The following ZMYND8 variants were observed in gnomAD, a reference collection of about 807,000 sequenced individuals.
The protein encoded by ZMYND8 is MYND-type zinc finger-containing chromatin reader ZMYND8.
Under a neutral mutation model 140.8 loss-of-function variants are expected in ZMYND8, and 37 were observed. That is an observed-to-expected ratio of 0.26 (90% CI 0.20 to 0.35). The LOEUF (loss-of-function observed/expected upper bound fraction) is 0.35, where lower values mean the gene tolerates loss of function less well. Among genes scored for constraint, ZMYND8 ranks in the 10% least tolerant of loss-of-function variants. The probability of loss-of-function intolerance (pLI) is 1.00; values close to 1 mark genes in which losing one functional copy is unlikely to be tolerated. For synonymous variants in ZMYND8, 592 were observed against 597.1 expected (o/e 0.99, Z 0.12); for missense variants, 1,068 against 1,570.0 (o/e 0.68, Z 5.40).
chr20:47,239,029 G>A lies in ZMYND8; in HGVS notation c.2394C>T (p.Thr798=). ...CGGTGACCGTGGAGGACGTGCTGGTGGTGGCTGTGGCGCCAGCCGCGGAAG... is the reference window on the plus strand; with the variant it reads ...CGGTGACCGTGGAGGACGTGCTGGTAGTGGCTGTGGCGCCAGCCGCGGAAG... ...AQTSAAGATA[T]TSTSSTVTVT... Residue 798 remains threonine (T), a synonymous_variant, in exon 15 of 23, where the codon ACC becomes ACT. Transcript: ENST00000471951. The A allele has an allele frequency of 6.3e-7, 1 of 1,591,252 alleles. No individual in the cohort carries two copies. The highest frequency in any genetic ancestry group is 1.3e-5 in the African/African-American group (1 of 74,428).
intron 7 of ZMYND8, among the ~76,000 whole-genome samples, chr20:47,287,559 T>C (rs558887188): frequency 1.3e-5 from 2 of 152,322 alleles, no homozygotes; most frequent in East Asian, 1.9e-4. Context: ...ATTCTTAAAA[T>C]GCTTTGACAT....
At chr20:47,275,494 CA>C (rs762708679) in intron 11 of ZMYND8, among the ~76,000 whole-genome samples, 8,479 of 112,470 alleles carry the variant, frequency 0.075, 616 homozygotes, top group African/African-American at 0.23. Flanking sequence ...ACTATGTCTC[CA>C]AAAAAAAAAA....
At chr20:47,217,868 G>A (rs942801159) in intron 21 of ZMYND8, among the ~76,000 whole-genome samples, 14 of 149,122 alleles carry the variant, frequency 9.4e-5, no homozygotes, top group Admixed American at 8.7e-4. Context: ...TCCTCCCCCT[G>A]CTCGCCCCCC....
At position 47,210,793 on chromosome 20, in the gene ZMYND8, T is replaced by A; in HGVS notation, c.3673A>T (p.Lys1225Ter). ...TSTSTKSLLP[K>*]ESRLDTFWD is the part of the protein sequence containing the mutation. ...CAGAAGGTGTCCAGCCGAGACTCTT[T>A]CGGGAGGAGGCTCTTCGTGCTGGTA... The change falls in exon 23 of 23, where the codon AAA (lysine) becomes TAA (stop). Residue 1225 changes from lysine (K) to a stop codon, truncating the protein, a stop_gained. Coordinates refer to ENST00000471951, the MANE Select transcript of ZMYND8 (RefSeq NM_001281775.3). LOFTEE classifies it high-confidence loss of function. 6.2e-7 allele frequency: 1 copy of A among 1,614,166 alleles called. No individual in the cohort carries two copies.
chr20:47,264,599 T>C (rs538508708), intron 11 of ZMYND8, among the ~76,000 whole-genome samples: 1 of 152,032 alleles, frequency 6.6e-6, no homozygotes, highest in South Asian at 2.1e-4. Context: ...TTTAACACAA[T>C]AAATCTGTTT....
At chr20:47,255,851 A>G (rs953630148) in intron 12 of ZMYND8, among the ~76,000 whole-genome samples, 7 of 146,490 alleles carry the variant, frequency 4.8e-5, no homozygotes, top group Non-Finnish European at 9.0e-5. Flanking sequence ...CACACACACC[A>G]TATACTGAGG....
At chr20:47,276,851 G>C (rs1302696961) in intron 10 of ZMYND8, 56 bp from the exon 11 acceptor site, 1 of 1,454,074 alleles carries the variant, frequency 6.9e-7, no homozygotes, top group Non-Finnish European at 9.0e-7. Context: ...TTCCAAGATT[G>C]CTTTTTTCTT....
At chr20:47,312,117 G>A (rs1457371501) in intron 2 of ZMYND8, among the ~76,000 whole-genome samples, 1 of 152,178 alleles carries the variant, frequency 6.6e-6, no homozygotes, top group Non-Finnish European at 1.5e-5. Context: ...CTGCGAAGAT[G>A]TCAATTACCA....
At chr20:47,262,251 T>C (rs1254170492) in intron 12 of ZMYND8, 37 bp downstream of exon 12, 1 of 1,613,612 alleles carries the variant, frequency 6.2e-7, no homozygotes, top group Admixed American at 1.7e-5. Context: ...ATATCCACAG[T>C]TGCCACAGAA....
rs150593671 is a variant in ZMYND8, at chr20:47,262,103, GC to G, written c.1621+184del. ...AAAAAAGTAATTTGTATGTCAATAA[GC>G]CCCAAGAAATCCCTTACTTATTCTT... On this transcript the variant is annotated intron_variant, in intron 12 of 22. Transcript: ENST00000471951. Among the ~76,000 whole-genome samples, 47 of 152,044 alleles carry G rather than the reference GC, an allele frequency of 3.1e-4. 1 individual carries two copies. In the East Asian group the frequency reaches 8.5e-3, roughly 27 times the overall value.
Position 47,220,276 on chromosome 20 carries a change from C to T in ZMYND8, c.3466G>A (p.Gly1156Ser). Residue 1156 changes from glycine (G) to serine (S), a missense_variant, in exon 21 of 23, where the codon GGC (glycine) becomes AGC (serine). Coordinates refer to ENST00000471951, the MANE Select transcript of ZMYND8 (RefSeq NM_001281775.3). ...SRETPSSILL[G>S]SNQGSVSKRC... ...AACATACCAGAGCCTTGGTTGGAGC[C>T]TAAGAGAATGGAGGAGGGCGTCTCT... 6.4e-7 allele frequency: 1 copy of T among 1,564,208 alleles called. No individual in the cohort carries two copies. Among genetic ancestry groups the T allele is most frequent in the Non-Finnish European group, 8.7e-7 (1 of 1,153,352 alleles).
chr20:47,237,013 G>A (rs921500721), intron 15 of ZMYND8, among the ~76,000 whole-genome samples: 9 of 152,156 alleles, frequency 5.9e-5, no homozygotes, highest in African/African-American at 2.2e-4. Context: ...ACAAATCAAA[G>A]TTAATTTCAG....
In ZMYND8 at chr20:47,334,605, A is replaced by AATATAT. The variant is rs56937532; in HGVS notation, c.85+13245_85+13250dup. Among the ~76,000 whole-genome samples the AATATAT allele has an allele frequency of 9.2e-5, 13 of 141,722 alleles. 1 individual carries two copies. The highest frequency in any genetic ancestry group is 8.9e-4 in the South Asian group (4 of 4,476). 93.0% of individuals were successfully genotyped at this position (141,722 alleles called of 152,430 possible). ...GCTGCACAACTCTGTGAAAAAAAAA[A>AATATAT]ATATATATATATATATATATATTTT... On this transcript the variant is annotated intron_variant, in intron 2 of 22. Coordinates refer to ENST00000471951, the MANE Select transcript of ZMYND8 (RefSeq NM_001281775.3).
chr20:47,339,829 C>T (rs2081694002), intron 2 of ZMYND8, among the ~76,000 whole-genome samples: 1 of 152,152 alleles, frequency 6.6e-6, no homozygotes. Flanking sequence ...TTCATCTTAG[C>T]CATAACCTTC....
At chr20:47,318,546 AAGCAAAATTGTCCTCGC>A in intron 2 of ZMYND8, 1 of 362,534 alleles carries the variant, frequency 2.8e-6, no homozygotes, top group South Asian at 2.1e-5. Context: ...GGTGGGGAGG[AAGCAAAATTGTCCTCGC>A]AGCAGAGAAT....
chr20:47,210,921 T>C (rs371979965), intron 22 of ZMYND8, 24 bp from the exon 23 acceptor site: 84 of 1,607,106 alleles, frequency 5.2e-5, no homozygotes, highest in Admixed American at 6.7e-5. Context: ...CCAATGTGTT[T>C]AGCGTGCCTG....
chr20:47,214,259 A>G (rs1314321988), intron 21 of ZMYND8, among the ~76,000 whole-genome samples: 1 of 152,228 alleles, frequency 6.6e-6, no homozygotes, highest in Non-Finnish European at 1.5e-5. Flanking sequence ...CTTTGACGTG[A>G]CCTGTCAACA....
intron 12 of ZMYND8, among the ~76,000 whole-genome samples, chr20:47,260,126 G>A (rs1320206849): frequency 3.3e-5 from 5 of 152,154 alleles, no homozygotes; most frequent in East Asian, 1.9e-4. Flanking sequence ...ACATTTTGTA[G>A]GATGTTGGGT....
intron 16 of ZMYND8, among the ~76,000 whole-genome samples, chr20:47,234,340 T>C (rs1429630869): frequency 6.6e-6 from 1 of 152,214 alleles, no homozygotes; most frequent in Non-Finnish European, 1.5e-5. Context: ...TGAGCCACCA[T>C]GCCCAGCCTC....
Sources: allele counts gnomAD v4.1 joint callset (sites outside exome capture counted in the v4.1 genomes callset), GRCh38; gene constraint gnomAD v4.1.1; transcripts MANE v1.5; gene names NCBI Gene and HGNC (gene_info 2026-07-23, HGNC 2026-07-21).